Variants in DDAH1 observed in about 807,000 individuals in gnomAD.
The protein encoded by DDAH1 is dimethylarginine dimethylaminohydrolase 1, also known as N(G),N(G)-dimethylarginine dimethylaminohydrolase 1.
Under a neutral mutation model 28.8 loss-of-function variants are expected in DDAH1, and 19 were observed. The observed-to-expected ratio is 0.66, with a 90% CI of 0.46 to 0.97. The LOEUF (loss-of-function observed/expected upper bound fraction) is 0.97. Among genes scored for constraint, DDAH1 ranks in the 50% least tolerant of loss-of-function variants. The pLI is 0.00. For synonymous variants in DDAH1, 153 were observed against 154.4 expected, an observed-to-expected ratio of 0.99 and a Z score of 0.07; for missense variants, 326 against 375.9, an observed-to-expected ratio of 0.87 and a Z score of 1.10.
intron 1 of DDAH1, among the ~76,000 whole-genome samples, chr1:85,407,423 A>C (rs1000960451): frequency 2.0e-5 from 3 of 152,204 alleles, no homozygotes; most frequent in Non-Finnish European, 4.4e-5. Context: ...GGTAAAATGT[A>C]CCCTGACCTC....
intron 2 of DDAH1, among the ~76,000 whole-genome samples, chr1:85,477,433 G>A (rs140998354): frequency 8.9e-4 from 136 of 152,076 alleles, no homozygotes; most frequent in Middle Eastern, 3.4e-3. Context: ...GACATCTTAC[G>A]TGAGAACCAT....
intron 1 of DDAH1, chr1:85,404,272 C>T (rs1319257306): frequency 3.9e-6 from 4 of 1,022,546 alleles, no homozygotes; most frequent in South Asian, 1.7e-5. Flanking sequence ...AAGATGCCAC[C>T]AGTTCATATT....
At position 85,540,339 on chromosome 1, in the gene DDAH1, A is replaced by G. The variant is rs1168913454; in HGVS notation, c.-123+37645T>C. 2.6e-5 allele frequency among the ~76,000 whole-genome samples: 4 copies of G among 152,208 alleles called. No homozygotes were observed. In the East Asian group the frequency reaches 7.7e-4, roughly 29 times the overall value. ...CGTTGATTTCTGCTGTGCCTGGACT[A>G]TGAATTCCTCCTTACTCTACATGCC... On this transcript the variant is annotated intron_variant, in intron 1 of 6. Coordinates refer to the DDAH1 transcript ENST00000426972.
intron 1 of DDAH1, among the ~76,000 whole-genome samples, chr1:85,382,668 A>G (rs1305946044): frequency 6.6e-6 from 1 of 152,240 alleles, no homozygotes; most frequent in Non-Finnish European, 1.5e-5. Context: ...GCTGTTAAGG[A>G]GAAGTTAATC....
At chr1:85,490,169 C>G (rs1274282971) in intron 2 of DDAH1, among the ~76,000 whole-genome samples, 1 of 151,960 alleles carries the variant, frequency 6.6e-6, no homozygotes, top group Non-Finnish European at 1.5e-5. Flanking sequence ...AGGAATACCT[C>G]TAATTTTGAG....
chr1:85,543,826 A>C (rs571465590), intron 1 of DDAH1, among the ~76,000 whole-genome samples: 1 of 152,332 alleles, frequency 6.6e-6, no homozygotes, highest in East Asian at 1.9e-4. Context: ...AACATGGAAA[A>C]CAGCGGGCAA....
chr1:85,554,277 T>TTTG (rs1288947797), intron 1 of DDAH1, among the ~76,000 whole-genome samples: 1 of 19,418 alleles, frequency 5.1e-5, no homozygotes, highest in Non-Finnish European at 8.8e-5. Context: ...ATTGTAAGAG[T>TTTG]TTTTTTTTTT....
intron 1 of DDAH1, among the ~76,000 whole-genome samples, chr1:85,447,218 A>C (rs1195447825): frequency 6.6e-6 from 1 of 152,186 alleles, no homozygotes. Flanking sequence ...CATCTGGTTG[A>C]ACCAGAGCTG....
intron 4 of DDAH1, among the ~76,000 whole-genome samples, chr1:85,327,079 A>T (rs17126044): frequency 0.044 from 6,652 of 152,292 alleles, 508 homozygotes; most frequent in African/African-American, 0.15. Context: ...AAACACAATA[A>T]TAGCAGCTTC....
At position 85,337,449 on chromosome 1, in the gene DDAH1, A is replaced by G. The variant is rs553515908; in HGVS notation, c.598-12566T>C. 2.7e-3 allele frequency among the ~76,000 whole-genome samples: 409 copies of G among 151,904 alleles called. 10 individuals carry two copies. The South Asian group carries it at 0.031, about 12-fold the overall frequency. On this transcript the variant is annotated intron_variant, in intron 4 of 5. Coordinates refer to ENST00000284031, the MANE Select transcript of DDAH1 (RefSeq NM_012137.4). ...TATTGTAAGGAAATTATGTCACAAT[A>G]AAACTAATTTTTTTTTTTTTTTGAG...
chr1:85,464,407 T>C lies in DDAH1; in HGVS notation c.303+336A>G. 7.8e-7 allele frequency: 1 copy of C among 1,281,368 alleles called. No homozygotes were observed. The highest frequency in any genetic ancestry group is 1.5e-5 in the African/African-American group (1 of 67,114). 79.4% of individuals were successfully genotyped at this position (1,281,368 alleles called of 1,614,324 possible). A position where few individuals can be genotyped will look rare whatever the true frequency, so the allele number is the denominator to read the frequency against. On this transcript the variant is annotated intron_variant, in intron 1 of 5. Coordinates refer to ENST00000284031, the MANE Select transcript of DDAH1 (RefSeq NM_012137.4). The surrounding 1 kb of genome is among the most constrained non-coding windows in gnomAD (Gnocchi z 4.4). The stretch of plus-strand genomic sequence containing the variant: ...GGCACCCCTCGCGGCCCTCGCTCCC[T>C]GGGAAACACTCAGAGTTGCACTGTC...
rs187386090 is a variant in DDAH1 at position 85,330,553 on chromosome 1, G to A, written c.598-5670C>T. ...GGAGACACACCTAAACCCTCCACAC[G>A]TCACCACAAATTCCTTTCCCTAAGA... On this transcript the variant is annotated intron_variant, in intron 4 of 5. Coordinates refer to ENST00000284031, the MANE Select transcript of DDAH1 (RefSeq NM_012137.4). Among the ~76,000 whole-genome samples, 170 of 152,170 alleles carry A rather than the reference G, an allele frequency of 1.1e-3. 1 individual carries two copies. The highest frequency in any genetic ancestry group is 3.9e-3 in the African/African-American group (163 of 41,494).
chr1:85,487,162 C>A (rs1656232902), intron 2 of DDAH1, among the ~76,000 whole-genome samples: 1 of 152,232 alleles, frequency 6.6e-6, no homozygotes, highest in African/African-American at 2.4e-5. Flanking sequence ...TAGTTGCTCT[C>A]CTTGTACTTA....
At chr1:85,469,278 G>C (rs375417827), upstream of DDAH1, among the ~76,000 whole-genome samples, 1 of 152,206 alleles carries the variant, frequency 6.6e-6, no homozygotes, top group Non-Finnish European at 1.5e-5. Flanking sequence ...GGAAAAGTGG[G>C]CTAAGCCTTC....
chr1:85,479,153 G>GT (rs1655901721), intron 2 of DDAH1, among the ~76,000 whole-genome samples: 4 of 124,200 alleles, frequency 3.2e-5, no homozygotes, highest in South Asian at 2.6e-4. Context: ...CCTCCCTTCT[G>GT]TTTTTCTTTT....
intron 4 of DDAH1, among the ~76,000 whole-genome samples, chr1:85,347,882 C>T (rs1419789076): frequency 6.6e-6 from 1 of 152,074 alleles, no homozygotes; most frequent in Admixed American, 6.5e-5. Context: ...TTTCACCAAC[C>T]CATTTCGAAC....
At chr1:85,405,736 G>T (rs1026423870) in intron 1 of DDAH1, among the ~76,000 whole-genome samples, 7 of 152,188 alleles carry the variant, frequency 4.6e-5, no homozygotes, top group African/African-American at 1.7e-4. Context: ...AAAAGAGAGA[G>T]CCTCAGAGAG....
chr1:85,439,625 AC>A (rs1311057011), intron 1 of DDAH1, among the ~76,000 whole-genome samples: 1 of 152,232 alleles, frequency 6.6e-6, no homozygotes, highest in Non-Finnish European at 1.5e-5. Flanking sequence ...TCATCTAGTT[AC>A]TACACATTGA....
intron 4 of DDAH1, among the ~76,000 whole-genome samples, chr1:85,346,738 T>TTAG (rs3057840): frequency 0.35 from 53,427 of 151,896 alleles, 9,454 homozygotes; most frequent in South Asian, 0.4. Context: ...TATTTCTATG[T>TTAG]TAGTTAGCAA....
Sources: gnomAD v4.1 joint callset for allele counts (sites outside exome capture counted in the v4.1 genomes callset) on GRCh38, gnomAD v4.1.1 for gene constraint, Gnocchi (gnomAD v3.1) non-coding constraint, MANE v1.5 for transcripts, NCBI Gene and HGNC (gene_info 2026-07-23, HGNC 2026-07-21) for gene names.